The following ARID5B variants were observed in gnomAD, a reference collection of about 807,000 sequenced individuals.
ARID5B encodes the protein AT-rich interaction domain 5B, also known as AT-rich interactive domain-containing protein 5B.
ARID5B carries 13 observed loss-of-function variants against 97.2 expected under a neutral mutation model. That is an observed-to-expected ratio of 0.13 (90% CI 0.09 to 0.21). ARID5B has a LOEUF of 0.21. Among genes scored for constraint, ARID5B ranks in the 10% least tolerant of loss-of-function variants. The pLI is 1.00. For missense variants in ARID5B, 1,210 were observed against 1,465.3 expected, an observed-to-expected ratio of 0.83 and a Z score of 2.84; for synonymous variants, 556 against 570.3, an observed-to-expected ratio of 0.97 and a Z score of 0.36.
intron 5 of ARID5B, among the ~76,000 whole-genome samples, chr10:62,055,670 T>A (rs1839846786): frequency 6.6e-6 from 1 of 152,212 alleles, no homozygotes; most frequent in African/African-American, 2.4e-5. Flanking sequence ...TAGTCCCATT[T>A]CCATAGCCCC....
At chr10:62,065,017 A>G (rs1386672156) in intron 7 of ARID5B, among the ~76,000 whole-genome samples, 1 of 151,990 alleles carries the variant, frequency 6.6e-6, no homozygotes, top group African/African-American at 2.4e-5. Context: ...CAGATGATCC[A>G]CCCGTCTCAG....
rs971595380 is a variant in ARID5B, at chr10:61,940,275, C to T, written c.369C>T (p.Gly123=). 33 of 1,614,050 alleles carry T rather than the reference C, an allele frequency of 2.0e-5. No individual in the cohort carries two copies. Among genetic ancestry groups the T allele is most frequent in the Non-Finnish European group, 2.8e-5 (33 of 1,180,012 alleles). Residue 123 remains glycine, a synonymous_variant, in exon 3 of 10, where the codon GGC becomes GGT. Coordinates refer to ENST00000279873, the MANE Select transcript of ARID5B (RefSeq NM_032199.3). The part of the protein sequence containing the change: ...VHSDFSKWRC[G]FHAGPVKTEA... ...CTGATTTCTCCAAGTGGAGATGTGG[C>T]TTCCACGCTGGACCAGTGAAAACTG...
At chr10:62,080,970 G>A (rs745524335) in intron 8 of ARID5B, among the ~76,000 whole-genome samples, 3 of 151,970 alleles carry the variant, frequency 2.0e-5, no homozygotes, top group Non-Finnish European at 4.4e-5. Flanking sequence ...TTACAGGCAC[G>A]TACCACCATG....
At position 62,095,056 on chromosome 10, in the gene ARID5B, TAA is replaced by T. The variant is rs1037024223; in HGVS notation, c.*2027_*2028del. On this transcript the variant is annotated 3_prime_UTR_variant, in exon 10 of 10. Coordinates refer to ENST00000279873, the MANE Select transcript of ARID5B (RefSeq NM_032199.3). ...ACAAAAGAATGTAGAGATCCAGTGT[TAA>T]GAGTTCCATTTGCTTCAATTAATTA... 4 of 229,750 alleles carry T rather than the reference TAA, an allele frequency of 1.7e-5. No homozygotes were observed. Among genetic ancestry groups the T allele is most frequent in the Non-Finnish European group, 2.6e-5 (3 of 115,720 alleles). The allele number at this position is 229,750 out of a possible 1,614,324, so 14.2% of individuals were successfully genotyped here. A position where few individuals can be genotyped will look rare whatever the true frequency, so the allele number is the denominator to read the frequency against.
At chr10:62,040,395 A>G (rs897214929) in intron 4 of ARID5B, among the ~76,000 whole-genome samples, 2 of 152,104 alleles carry the variant, frequency 1.3e-5, no homozygotes, top group Non-Finnish European at 1.5e-5. Context: ...ACGTTTTTAC[A>G]TGACTACCCT....
At chr10:61,954,861 C>T (rs187306255) in intron 3 of ARID5B, among the ~76,000 whole-genome samples, 13 of 152,122 alleles carry the variant, frequency 8.5e-5, no homozygotes, top group African/African-American at 2.9e-4. Flanking sequence ...ATAAAATTAG[C>T]TTGGCATGGT....
chr10:61,995,593 A>G (rs1838985132), intron 3 of ARID5B, among the ~76,000 whole-genome samples: 2 of 151,996 alleles, frequency 1.3e-5, no homozygotes, highest in Non-Finnish European at 2.9e-5. Context: ...AAAATTTTAT[A>G]CTCTGTTATA....
chr10:61,913,919 T>C (rs546542295), intron 2 of ARID5B, among the ~76,000 whole-genome samples: 1 of 152,186 alleles, frequency 6.6e-6, no homozygotes, highest in Non-Finnish European at 1.5e-5. Context: ...GTCCGGCTAA[T>C]TTTGTATTTT....
chr10:62,013,705 C>T (rs995705910), intron 4 of ARID5B, among the ~76,000 whole-genome samples: 61 of 151,782 alleles, frequency 4.0e-4, no homozygotes, highest in African/African-American at 1.4e-3. Context: ...CCTTACTTCA[C>T]TCCACACAAT....
chr10:61,926,239 T>C (rs1844103671), intron 2 of ARID5B, among the ~76,000 whole-genome samples: 1 of 152,184 alleles, frequency 6.6e-6, no homozygotes, highest in African/African-American at 2.4e-5. Context: ...ATCCTTTTTG[T>C]GAAGTGACTT....
chr10:62,065,839 C>A (rs1229938921), intron 7 of ARID5B, among the ~76,000 whole-genome samples: 1 of 77,316 alleles, frequency 1.3e-5, no homozygotes, highest in Non-Finnish European at 2.6e-5. Context: ...GAGTGAGACT[C>A]TGTCTCAAAA....
chr10:61,961,417 C>T (rs7090445), intron 3 of ARID5B, among the ~76,000 whole-genome samples: 105,224 of 152,094 alleles, frequency 0.69, 36,883 homozygotes, highest in African/African-American at 0.79. Flanking sequence ...CCTAGGTTAT[C>T]GATAGCTTTG....
intron 3 of ARID5B, among the ~76,000 whole-genome samples, chr10:61,979,739 C>CA (rs1273067670): frequency 2.0e-5 from 3 of 152,170 alleles, no homozygotes; most frequent in Admixed American, 6.5e-5. Context: ...TAAGGACCCA[C>CA]AAAAATGCCT....
At position 62,091,287 on chromosome 10, in the gene ARID5B, G is replaced by C; in HGVS notation, c.1824G>C (p.Gln608His). ...FPTTQPPLAN[Q>H]NETEDDKLPA... Reference sequence around the variant, plus strand: ...CCACACAGCCACCGCTGGCAAACCAGAATGAGACGGAGGATGACAAACTGC... The same window carrying C: ...CCACACAGCCACCGCTGGCAAACCACAATGAGACGGAGGATGACAAACTGC... Residue 608 changes from glutamine to histidine, a missense_variant, in exon 10 of 10, where the codon CAG becomes CAC. Gln to His is a conservative substitution (Grantham distance 24). Transcript: ENST00000279873. The C allele has an allele frequency of 1.2e-6, 2 of 1,614,168 alleles. No individual in the cohort carries two copies. Among genetic ancestry groups the C allele is most frequent in the South Asian group, 2.2e-5 (2 of 91,076 alleles).
chr10:61,980,290 C>T (rs1838759792), intron 3 of ARID5B, among the ~76,000 whole-genome samples: 1 of 152,164 alleles, frequency 6.6e-6, no homozygotes, highest in African/African-American at 2.4e-5. Flanking sequence ...GACAGTGACT[C>T]TGTCATTTTA....
At position 61,948,367 on chromosome 10, in the gene ARID5B, T is replaced by C. The variant is rs551821622; in HGVS notation, c.502+7959T>C. Among the ~76,000 whole-genome samples, 238 of 142,436 alleles carry C rather than the reference T, an allele frequency of 1.7e-3. 2 individuals are homozygous for C. The highest frequency in any genetic ancestry group is 2.7e-3 in the Non-Finnish European group (174 of 65,366). The allele number at this position is 142,436 out of a possible 152,430, so 93.4% of individuals were successfully genotyped here. A position where few individuals can be genotyped will look rare whatever the true frequency, so the allele number is the denominator to read the frequency against. On this transcript the variant is annotated intron_variant, in intron 3 of 9. Transcript: ENST00000279873. ...ACCATCACGGTTACTTATCTTAGGA[T>C]ACACTTTAGGTAATTTTTTTTTTTT...
In ARID5B at chr10:62,096,249, T is replaced by C. The variant is rs1840468376; in HGVS notation, c.*3219T>C. 1 of 233,718 alleles carries C rather than the reference T, an allele frequency of 4.3e-6. No individual in the cohort carries two copies. Among genetic ancestry groups the C allele is most frequent in the African/African-American group, 2.2e-5 (1 of 45,478 alleles). The allele number at this position is 233,718 out of a possible 1,614,324, so 14.5% of individuals were successfully genotyped here. ...ACCTGGTGCATGAATTCTCAAGTACTGTATTTCACTGTGTTGGTGTGTCTG... is the reference window on the plus strand; with the variant it reads ...ACCTGGTGCATGAATTCTCAAGTACCGTATTTCACTGTGTTGGTGTGTCTG... On this transcript the variant is annotated 3_prime_UTR_variant, in exon 10 of 10. Coordinates refer to ENST00000279873, the MANE Select transcript of ARID5B (RefSeq NM_032199.3).
At chr10:61,909,011 T>C (rs980445599) in intron 2 of ARID5B, among the ~76,000 whole-genome samples, 2 of 152,224 alleles carry the variant, frequency 1.3e-5, no homozygotes, top group Admixed American at 1.3e-4. Context: ...TGTCTTCATC[T>C]TTGAATTATT....
chr10:62,018,450 A>G (rs1175049396), intron 4 of ARID5B, among the ~76,000 whole-genome samples: 5 of 152,176 alleles, frequency 3.3e-5, no homozygotes, highest in Non-Finnish European at 7.3e-5. Flanking sequence ...TTTTAAATGA[A>G]CTGCACATTG....
Sources: gnomAD v4.1 joint callset for allele counts (sites outside exome capture counted in the v4.1 genomes callset) on GRCh38, gnomAD v4.1.1 for gene constraint, MANE v1.5 for transcripts, NCBI Gene and HGNC (gene_info 2026-07-23, HGNC 2026-07-21) for gene names.